RAB7A: variants seen among roughly 807,000 people sequenced by gnomAD.
RAB7A encodes the protein RAB7A, member RAS oncogene family, also known as ras-related protein Rab-7a.
Under a neutral mutation model 24.5 loss-of-function variants are expected in RAB7A, and 2 were observed. The ratio of observed to expected loss-of-function variants is 0.08; its 90% CI spans 0.03 to 0.26. The LOEUF (loss-of-function observed/expected upper bound fraction) is 0.26. Ranked by LOEUF, RAB7A falls within the 10% of genes least tolerant of loss-of-function variation. RAB7A has a pLI of 1.00. For synonymous variants in RAB7A, 100 were observed against 95.9 expected, an observed-to-expected ratio of 1.04 and a Z score of -0.25; for missense variants, 118 against 255.7, an observed-to-expected ratio of 0.46 and a Z score of 3.67.
intron 1 of RAB7A, among the ~76,000 whole-genome samples, chr3:128,774,823 C>T (rs921903591): frequency 2.0e-5 from 3 of 152,168 alleles, no homozygotes; most frequent in Non-Finnish European, 2.9e-5. Flanking sequence ...CCGCCCACCT[C>T]GGCCTCCCAA....
At chr3:128,779,334 G>A (rs894760193) in intron 1 of RAB7A, among the ~76,000 whole-genome samples, 2 of 151,842 alleles carry the variant, frequency 1.3e-5, no homozygotes, top group African/African-American at 4.8e-5. Context: ...CTTGAGCCCA[G>A]GAGACAAAGG....
At chr3:128,742,111 C>T (rs181558687) in intron 1 of RAB7A, among the ~76,000 whole-genome samples, 95 of 152,260 alleles carry the variant, frequency 6.2e-4, no homozygotes, top group African/African-American at 1.2e-3. Flanking sequence ...CTGGTGGGTT[C>T]GTGGTCTCGC....
At chr3:128,771,334 T>C (rs1932930825) in intron 1 of RAB7A, among the ~76,000 whole-genome samples, 1 of 152,126 alleles carries the variant, frequency 6.6e-6, no homozygotes, top group Admixed American at 6.6e-5. Context: ...TCTTCAAGAG[T>C]GGAGACTAAA....
intron 1 of RAB7A, among the ~76,000 whole-genome samples, chr3:128,734,467 A>G (rs2070470648): frequency 7.2e-6 from 1 of 138,052 alleles, no homozygotes; most frequent in Non-Finnish European, 1.5e-5. Flanking sequence ...AAAAAAAAAA[A>G]AAAAAAAAAA....
intron 1 of RAB7A, among the ~76,000 whole-genome samples, chr3:128,776,619 G>T (rs1423696174): frequency 6.6e-6 from 1 of 152,208 alleles, no homozygotes; most frequent in Non-Finnish European, 1.5e-5. Context: ...TCCATGGATG[G>T]ATACTTAAGT....
intron 3 of RAB7A, among the ~76,000 whole-genome samples, chr3:128,802,879 A>G (rs1933729392): frequency 6.6e-6 from 1 of 151,834 alleles, no homozygotes; most frequent in South Asian, 2.1e-4. Context: ...ATCTCAGCTC[A>G]CTGCAACCTC....
chr3:128,773,733 C>T (rs1364731708), intron 1 of RAB7A, among the ~76,000 whole-genome samples: 1 of 152,234 alleles, frequency 6.6e-6, no homozygotes, highest in Non-Finnish European at 1.5e-5. Context: ...TTGTTCTGTA[C>T]TAAGAAAAAT....
chr3:128,771,107 C>G (rs1317372163), intron 1 of RAB7A, among the ~76,000 whole-genome samples: 3 of 152,024 alleles, frequency 2.0e-5, no homozygotes, highest in Non-Finnish European at 4.4e-5. Flanking sequence ...GTAACTGGCA[C>G]TACAGACATG....
intron 1 of RAB7A, among the ~76,000 whole-genome samples, chr3:128,741,889 T>C (rs1001931786): frequency 2.6e-5 from 4 of 151,980 alleles, no homozygotes; most frequent in African/African-American, 9.7e-5. Context: ...TCATGACTCA[T>C]CGACTCATTG....
chr3:128,773,581 C>G (rs1055823936), intron 1 of RAB7A, among the ~76,000 whole-genome samples: 21 of 152,218 alleles, frequency 1.4e-4, no homozygotes, highest in Non-Finnish European at 8.8e-5. Context: ...ACCACCCCGT[C>G]TGGGAGGTGT....
chr3:128,784,396 C>T (rs927139461), intron 1 of RAB7A, among the ~76,000 whole-genome samples: 8 of 152,190 alleles, frequency 5.3e-5, no homozygotes, highest in Non-Finnish European at 1.0e-4. Context: ...TCCCCATTCT[C>T]TTCTGCTTTC....
chr3:128,789,937 C>T (rs1481263474), intron 1 of RAB7A, among the ~76,000 whole-genome samples: 4 of 151,960 alleles, frequency 2.6e-5, no homozygotes, highest in East Asian at 3.9e-4. Flanking sequence ...ATTACAAGCG[C>T]GTGCCACCAC....
intron 1 of RAB7A, among the ~76,000 whole-genome samples, chr3:128,782,077 C>T (rs769476255): frequency 6.6e-6 from 1 of 152,200 alleles, no homozygotes; most frequent in African/African-American, 2.4e-5. Context: ...CTTGTTTTGG[C>T]AATTTCTAGC....
chr3:128,731,507 G>C (rs965069417), intron 1 of RAB7A, among the ~76,000 whole-genome samples: 1 of 152,130 alleles, frequency 6.6e-6, no homozygotes, highest in Non-Finnish European at 1.5e-5. Context: ...TGTTTCTGTG[G>C]TATTTGTAGT....
intron 1 of RAB7A, among the ~76,000 whole-genome samples, chr3:128,779,203 C>T (rs549779972): frequency 5.3e-5 from 8 of 152,016 alleles, no homozygotes; most frequent in Non-Finnish European, 7.4e-5. Context: ...TACCTGAGGT[C>T]GGGAGTTTGA....
chr3:128,759,724 T>C (rs1260547046), intron 1 of RAB7A, among the ~76,000 whole-genome samples: 1 of 152,076 alleles, frequency 6.6e-6, no homozygotes, highest in Non-Finnish European at 1.5e-5. Flanking sequence ...TTTTTTTTTT[T>C]CTGAGACGGA....
At chr3:128,761,084 G>T (rs1418368174) in intron 1 of RAB7A, among the ~76,000 whole-genome samples, 1 of 152,186 alleles carries the variant, frequency 6.6e-6, no homozygotes, top group African/African-American at 2.4e-5. Flanking sequence ...TGGCGTAAGT[G>T]TATAAAAAGT....
At chr3:128,797,123 C>G (rs1481404321) in intron 2 of RAB7A, among the ~76,000 whole-genome samples, 1 of 152,214 alleles carries the variant, frequency 6.6e-6, no homozygotes, top group African/African-American at 2.4e-5. Context: ...AAAAGTCTCA[C>G]CAAGCCCTTG....
rs56027163 is a variant in RAB7A, at chr3:128,737,825, G to GTTTTTTTTTTT, written c.-9+11488_-9+11498dup. Among the ~76,000 whole-genome samples, 11 of 59,492 alleles carry GTTTTTTTTTTT rather than the reference G, an allele frequency of 1.8e-4. 1 individual carries two copies. Among genetic ancestry groups the GTTTTTTTTTTT allele is most frequent in the African/African-American group, 3.2e-4 (5 of 15,818 alleles). The allele number at this position is 59,492 out of a possible 152,430, so 39.0% of individuals were successfully genotyped here. Reference sequence around the variant, plus strand: ...CACCACATCTGGCTATTTTTTTGTAGTTTTTTTTTTTTTTTTTTTTTTTTT... The same window carrying GTTTTTTTTTTT: ...CACCACATCTGGCTATTTTTTTGTAGTTTTTTTTTTTTTTTTTTTTTTTTTTTTTTTTTTTT... On this transcript the variant is annotated intron_variant, in intron 1 of 5. Transcript: ENST00000265062.
Sources: allele counts gnomAD v4.1 joint callset (sites outside exome capture counted in the v4.1 genomes callset), GRCh38; gene constraint gnomAD v4.1.1; transcripts MANE v1.5; gene names NCBI Gene and HGNC (gene_info 2026-07-23, HGNC 2026-07-21).